Variants in LRIG1 observed in about 807,000 individuals in gnomAD.
The protein encoded by LRIG1 is leucine-rich repeats and immunoglobulin-like domains protein 1.
A neutral mutation model predicts 99.2 loss-of-function variants in LRIG1; 48 were observed. The ratio of observed to expected loss-of-function variants is 0.48; its 90% CI spans 0.38 to 0.62. LRIG1 has a LOEUF of 0.62. LRIG1 is among the 20% of genes least tolerant of loss of function. LRIG1 has a pLI of 0.00. For missense variants in LRIG1, 1,646 were observed against 1,434.4 expected (o/e 1.15, Z -2.38); for synonymous variants, 772 against 596.1 (o/e 1.29, Z -4.30).
chr3:66,453,901 C>A (rs1703987179), intron 2 of LRIG1, among the ~76,000 whole-genome samples: 2 of 152,208 alleles, frequency 1.3e-5, no homozygotes, highest in South Asian at 2.1e-4. Flanking sequence ...GTATCTGTGA[C>A]AAACTGCTCC....
At chr3:66,408,236 A>G (rs1702346167) in intron 7 of LRIG1, among the ~76,000 whole-genome samples, 3 of 152,224 alleles carry the variant, frequency 2.0e-5, no homozygotes, top group African/African-American at 7.2e-5. Flanking sequence ...AACTCAGAGA[A>G]GATTAATGAG....
intron 1 of LRIG1, among the ~76,000 whole-genome samples, chr3:66,487,717 G>C (rs1701006658): frequency 6.6e-6 from 1 of 152,274 alleles, no homozygotes; most frequent in African/African-American, 2.4e-5. Flanking sequence ...TGAGTAACAG[G>C]GAGAGTGTGT....
chr3:66,396,092 G>C (rs139175798), intron 11 of LRIG1, among the ~76,000 whole-genome samples: 1 of 152,380 alleles, frequency 6.6e-6, no homozygotes, highest in Non-Finnish European at 1.5e-5. Context: ...CGCCCTGGAC[G>C]TGTGGGGCTA....
At chr3:66,405,864 A>G in intron 8 of LRIG1, 1 of 1,094,508 alleles carries the variant, frequency 9.1e-7, no homozygotes, top group South Asian at 2.2e-5. Context: ...CCCACTCGCC[A>G]GGATCAGAGG....
At chr3:66,431,604 C>A (rs1391702738) in intron 3 of LRIG1, among the ~76,000 whole-genome samples, 1 of 152,172 alleles carries the variant, frequency 6.6e-6, no homozygotes, top group African/African-American at 2.4e-5. Context: ...TGGTCAGCAA[C>A]TGGGGGAGGG....
At chr3:66,393,921 G>T in intron 12 of LRIG1, 119 bp downstream of exon 12, 1 of 1,054,066 alleles carries the variant, frequency 9.5e-7, no homozygotes, top group Non-Finnish European at 1.4e-6. Context: ...TCCAGCAGCT[G>T]ATCTGTAACC....
intron 3 of LRIG1, among the ~76,000 whole-genome samples, chr3:66,418,086 T>G (rs1025027426): frequency 4.6e-5 from 7 of 151,132 alleles, no homozygotes; most frequent in African/African-American, 1.7e-4. Context: ...TGTTTTTTTT[T>G]TGTTTTGTTT....
chr3:66,402,277 G>A (rs956870761), intron 9 of LRIG1, among the ~76,000 whole-genome samples: 6 of 152,130 alleles, frequency 3.9e-5, no homozygotes, highest in African/African-American at 7.2e-5. Context: ...GCCCCAGCCC[G>A]GGAACCGCAC....
At chr3:66,480,421 T>C (rs919702744) in intron 1 of LRIG1, among the ~76,000 whole-genome samples, 2 of 151,886 alleles carry the variant, frequency 1.3e-5, no homozygotes, top group Admixed American at 6.6e-5. Flanking sequence ...AATCCTATCA[T>C]TGAAAAGGAT....
rs373181903 is a variant in LRIG1 at position 66,386,623 on chromosome 3, A to C, written c.1469-322T>G. 15 of 299,722 alleles carry C rather than the reference A, an allele frequency of 5.0e-5. No homozygotes were observed. In the East Asian group the frequency reaches 1.1e-3, roughly 22 times the overall value. 18.6% of individuals were successfully genotyped at this position (299,722 alleles called of 1,614,324 possible). A position where few individuals can be genotyped will look rare whatever the true frequency, so the allele number is the denominator to read the frequency against. ...TGGCTCTGCCTGCTGACTTTCACAC[A>C]AAACAGTCAGGCACCACTGGTCATG... On this transcript the variant is annotated intron_variant, in intron 12 of 18. Coordinates refer to ENST00000273261, the MANE Select transcript of LRIG1 (RefSeq NM_015541.3).
chr3:66,396,001 C>T (rs186894781), intron 11 of LRIG1, among the ~76,000 whole-genome samples: 1 of 152,370 alleles, frequency 6.6e-6, no homozygotes, highest in East Asian at 1.9e-4. Context: ...CCATTTGAAC[C>T]ACAGGAACAA....
At chr3:66,384,424 A>C (rs1331773879) in intron 13 of LRIG1, 152 bp from the exon 14 acceptor site, 2 of 807,038 alleles carry the variant, frequency 2.5e-6, no homozygotes, top group Admixed American at 4.6e-5. Context: ...CCACCTGTGA[A>C]TCAGGAACCC....
chr3:66,429,345 C>T (rs1703083139), intron 3 of LRIG1, among the ~76,000 whole-genome samples: 1 of 152,186 alleles, frequency 6.6e-6, no homozygotes, highest in South Asian at 2.1e-4. Flanking sequence ...AGTGACCCAA[C>T]TCATGAATGA....
chr3:66,468,999 T>C (rs1485358071), intron 1 of LRIG1: 1 of 152,208 alleles, frequency 6.6e-6, no homozygotes, highest in African/African-American at 2.4e-5. Flanking sequence ...TTTTGTATTG[T>C]GATGCTTCCC....
At position 66,394,195 on chromosome 3, in the gene LRIG1, C is replaced by T; in HGVS notation, c.1313G>A (p.Ser438Asn). The T allele has an allele frequency of 6.3e-7, 1 of 1,587,556 alleles. No homozygotes were observed. Among genetic ancestry groups the T allele is most frequent in the African/African-American group, 1.4e-5 (1 of 73,994 alleles). The change falls in exon 12 of 19, where the codon AGC (serine) becomes AAC (asparagine). Residue 438 changes from serine (S) to asparagine (N), a missense_variant. Physicochemically the swap from Ser to Asn is conservative, Grantham distance 46. Coordinates refer to ENST00000273261, the MANE Select transcript of LRIG1 (RefSeq NM_015541.3). ...GCAGTCACACAGGAAGCTGTCGCTG[C>T]TGATATGGCTGAAAGAAACACAACA... Reference protein sequence around the residue: ...KMKNLKELHISSDSFLCDCQL... With the variant: ...KMKNLKELHINSDSFLCDCQL...
chr3:66,473,119 A>G (rs1700641744), intron 1 of LRIG1, among the ~76,000 whole-genome samples: 1 of 152,218 alleles, frequency 6.6e-6, no homozygotes, highest in African/African-American at 2.4e-5. Flanking sequence ...ACAAAAGAGC[A>G]ATGTATAGGT....
chr3:66,465,404 C>T (rs1297968844), intron 1 of LRIG1, among the ~76,000 whole-genome samples: 1 of 143,740 alleles, frequency 7.0e-6, no homozygotes, highest in Non-Finnish European at 1.5e-5. Context: ...TGCTCTGTCG[C>T]CCAGGCTGGA....
rs144298149 is a variant in LRIG1, at chr3:66,414,761, C to T, written c.647+159G>A. Among the ~76,000 whole-genome samples, 197 of 152,242 alleles carry T rather than the reference C, an allele frequency of 1.3e-3. 1 individual carries two copies. The highest frequency in any genetic ancestry group is 4.5e-3 in the African/African-American group (186 of 41,528). On this transcript the variant is annotated intron_variant, in intron 5 of 18. Coordinates refer to ENST00000273261, the MANE Select transcript of LRIG1 (RefSeq NM_015541.3). ...GCAGCCACAGCACCAGACCCAGCTC[C>T]GAATTTGCTTTTATGAGGTGCTGCC... is the stretch of plus-strand genomic sequence containing the variant.
chr3:66,404,157 T>C, intron 9 of LRIG1: 1 of 920,066 alleles, frequency 1.1e-6, no homozygotes, highest in Non-Finnish European at 1.5e-6. Flanking sequence ...AGCAGGACCC[T>C]TGTATATAAA....
Sources: allele counts gnomAD v4.1 joint callset (sites outside exome capture counted in the v4.1 genomes callset), GRCh38; gene constraint gnomAD v4.1.1; transcripts MANE v1.5; gene names NCBI Gene and HGNC (gene_info 2026-07-23, HGNC 2026-07-21).